OPCML: variants seen among roughly 807,000 people sequenced by gnomAD.
The protein encoded by OPCML is opioid-binding protein/cell adhesion molecule.
Under a neutral mutation model 37.8 loss-of-function variants are expected in OPCML, and 13 were observed. The observed-to-expected ratio is 0.34, with a 90% confidence interval of 0.22 to 0.55. The LOEUF is 0.55. Ranked by LOEUF, OPCML falls within the 20% of genes least tolerant of loss-of-function variation. The pLI is 0.91. For missense variants in OPCML, 341 were observed against 435.6 expected (o/e 0.78, Z 1.93); for synonymous variants, 176 against 168.8 (o/e 1.04, Z -0.33).
At chr11:132,467,010 T>TA (rs2096122142) in intron 4 of OPCML, among the ~76,000 whole-genome samples, 1 of 152,174 alleles carries the variant, frequency 6.6e-6, no homozygotes, top group Non-Finnish European at 1.5e-5. Context: ...AAGGAACAGA[T>TA]AAGACCATTC....
chr11:132,574,175 G>T (rs1423858361), intron 3 of OPCML, among the ~76,000 whole-genome samples: 1 of 142,926 alleles, frequency 7.0e-6, no homozygotes, highest in Non-Finnish European at 1.5e-5. Context: ...TTTAAAAAAG[G>T]CAATTCTTAG....
At chr11:133,026,026 C>T (rs1420923287) in intron 1 of OPCML, 42 of 983,148 alleles carry the variant, frequency 4.3e-5, no homozygotes, top group East Asian at 1.1e-4. Flanking sequence ...TGAGCCACCA[C>T]GCCCAGCCTA....
intron 1 of OPCML, among the ~76,000 whole-genome samples, chr11:133,373,302 C>A (rs1592243384): frequency 6.6e-6 from 1 of 151,602 alleles, no homozygotes; most frequent in African/African-American, 2.4e-5. Flanking sequence ...GGGGCTCACA[C>A]CTGTAATAGC....
At chr11:132,580,407 A>C (rs1049894972) in intron 3 of OPCML, among the ~76,000 whole-genome samples, 1 of 152,236 alleles carries the variant, frequency 6.6e-6, no homozygotes, top group Non-Finnish European at 1.5e-5. Flanking sequence ...AATAGATGTA[A>C]AATCATGAAT....
At chr11:132,897,603 G>A (rs1943898493) in intron 2 of OPCML, among the ~76,000 whole-genome samples, 1 of 152,192 alleles carries the variant, frequency 6.6e-6, no homozygotes, top group Admixed American at 6.5e-5. Flanking sequence ...GTGGACAAAT[G>A]GTTCTGTATG....
intron 3 of OPCML, among the ~76,000 whole-genome samples, chr11:132,598,970 C>A (rs555264490): frequency 6.6e-6 from 1 of 152,294 alleles, no homozygotes; most frequent in African/African-American, 2.4e-5. Flanking sequence ...TGTCACTATT[C>A]AGCAGACAGA....
At chr11:132,855,572 T>G (rs1049811279) in intron 2 of OPCML, among the ~76,000 whole-genome samples, 21 of 152,204 alleles carry the variant, frequency 1.4e-4, no homozygotes, top group African/African-American at 4.6e-4. Context: ...GGAGCGGGAT[T>G]GCTGGGCCAC....
intron 7 of OPCML, among the ~76,000 whole-genome samples, chr11:132,434,492 A>G (rs951155761): frequency 6.6e-6 from 1 of 152,066 alleles, no homozygotes; most frequent in African/African-American, 2.4e-5. Context: ...AAATGCTCCA[A>G]TACCTAATAC....
chr11:133,031,042 G>T (rs1947658130), intron 1 of OPCML, among the ~76,000 whole-genome samples: 1 of 152,188 alleles, frequency 6.6e-6, no homozygotes, highest in African/African-American at 2.4e-5. Context: ...AGAGAAAAAA[G>T]GTATCACAAC....
intron 1 of OPCML, among the ~76,000 whole-genome samples, chr11:133,405,713 T>C (rs2136851792): frequency 6.8e-6 from 1 of 147,446 alleles, no homozygotes; most frequent in Non-Finnish European, 1.5e-5. Context: ...CAACAGCATC[T>C]GATATGTACC....
At chr11:133,465,318 G>A (rs1316272699) in intron 1 of OPCML, among the ~76,000 whole-genome samples, 1 of 152,154 alleles carries the variant, frequency 6.6e-6, no homozygotes, top group Non-Finnish European at 1.5e-5. Context: ...AAGCGATCTA[G>A]AGTAATCTCC....
At chr11:132,851,178 G>T (rs554560777) in intron 2 of OPCML, among the ~76,000 whole-genome samples, 1 of 152,208 alleles carries the variant, frequency 6.6e-6, no homozygotes, top group African/African-American at 2.4e-5. Context: ...ATTATACACA[G>T]TGCCAATATC....
intron 2 of OPCML, among the ~76,000 whole-genome samples, chr11:132,820,495 G>A (rs1415867568): frequency 6.7e-6 from 1 of 149,476 alleles, no homozygotes; most frequent in African/African-American, 2.4e-5. Flanking sequence ...ACATATATAT[G>A]TGGTGTGTGT....
At chr11:132,441,471 C>A (rs2096035144) in intron 4 of OPCML, among the ~76,000 whole-genome samples, 1 of 152,148 alleles carries the variant, frequency 6.6e-6, no homozygotes, top group African/African-American at 2.4e-5. Context: ...CCCGGCCCAC[C>A]AAGGACTTTT....
chr11:132,957,063 T>C (rs1207128932), intron 1 of OPCML, among the ~76,000 whole-genome samples: 1 of 152,182 alleles, frequency 6.6e-6, no homozygotes, highest in East Asian at 1.9e-4. Context: ...TCCAGGAGTT[T>C]GAGGCTGCAG....
intron 1 of OPCML, chr11:133,007,927 G>T: frequency 1.0e-6 from 1 of 985,440 alleles, no homozygotes; most frequent in Non-Finnish European, 1.2e-6. Context: ...GGTCCATTGT[G>T]CATTTATGTT....
chr11:132,545,028 T>C (rs1425188315), intron 3 of OPCML, among the ~76,000 whole-genome samples: 4 of 152,210 alleles, frequency 2.6e-5, no homozygotes, highest in African/African-American at 9.6e-5. Flanking sequence ...CTCCAAATAA[T>C]ACTTTTAATT....
chr11:132,418,397 G>A lies in OPCML; in HGVS notation c.*1796C>T, dbSNP rs1443774438. On this transcript the variant is annotated 3_prime_UTR_variant, in exon 8 of 8. Coordinates refer to ENST00000524381, the MANE Select transcript of OPCML (RefSeq NM_001012393.5). Reference sequence around the variant, plus strand: ...TCCCAGGAGACAAGACAGCAAAGGTGGCTCAGCTCTTGTTTGTATGCTGGG... The same window carrying A: ...TCCCAGGAGACAAGACAGCAAAGGTAGCTCAGCTCTTGTTTGTATGCTGGG... 6.6e-6 allele frequency: 1 copy of A among 152,402 alleles called. No homozygotes were observed. Among genetic ancestry groups the A allele is most frequent in the Non-Finnish European group, 1.5e-5 (1 of 68,028 alleles). 9.4% of individuals were successfully genotyped at this position (152,402 alleles called of 1,614,324 possible).
At chr11:133,423,006 C>T (rs1945923837) in intron 1 of OPCML, 1 of 985,256 alleles carries the variant, frequency 1.0e-6, no homozygotes, top group Non-Finnish European at 1.2e-6. Flanking sequence ...CTTCCTTCTT[C>T]CTTCTCCACT....
Sources: allele counts gnomAD v4.1 joint callset (sites outside exome capture counted in the v4.1 genomes callset), GRCh38; gene constraint gnomAD v4.1.1; transcripts MANE v1.5; gene names NCBI Gene and HGNC (gene_info 2026-07-23, HGNC 2026-07-21).